The following CAMTA1 variants were observed in gnomAD, a reference collection of about 807,000 sequenced individuals.
The protein encoded by CAMTA1 is calmodulin-binding transcription activator 1.
A neutral mutation model predicts 170.9 loss-of-function variants in CAMTA1; 27 were observed. That is an observed-to-expected ratio of 0.16 (90% CI 0.12 to 0.22). CAMTA1 has a LOEUF of 0.22. CAMTA1 is among the 10% of genes least tolerant of loss of function. CAMTA1 has a pLI of 1.00. For missense variants in CAMTA1, 1,619 were observed against 2,217.2 expected (o/e 0.73, Z 5.42); for synonymous variants, 833 against 891.5 (o/e 0.93, Z 1.17).
intron 3 of CAMTA1, among the ~76,000 whole-genome samples, chr1:6,841,686 G>A (rs1392960076): frequency 6.6e-6 from 1 of 152,222 alleles, no homozygotes; most frequent in African/African-American, 2.4e-5. Context: ...GAGGTTCAGG[G>A]ACGACTGCTG....
intron 4 of CAMTA1, among the ~76,000 whole-genome samples, chr1:7,214,863 T>TTTC (rs904958965): frequency 2.1e-4 from 17 of 82,332 alleles, no homozygotes; most frequent in African/African-American, 9.5e-4. Flanking sequence ...TTCTTTCTTT[T>TTTC]TTTTTTTTTT....
chr1:6,789,007 C>T (rs1219032258), intron 1 of CAMTA1, among the ~76,000 whole-genome samples: 2 of 152,204 alleles, frequency 1.3e-5, no homozygotes, highest in Non-Finnish European at 2.9e-5. Context: ...TCTTTCCTCT[C>T]CTTCACCCCT....
At chr1:7,602,121 TTCCTTCC>T in intron 6 of CAMTA1, among the ~76,000 whole-genome samples, 1 of 141,294 alleles carries the variant, frequency 7.1e-6, no homozygotes, top group Middle Eastern at 3.3e-3. Context: ...CCTTCCTTCC[TTCCTTCC>T]TTCCTTCCTT....
At position 7,292,873 on chromosome 1, in the gene CAMTA1, C is replaced by T. The variant is rs916192038; in HGVS notation, c.438+43247C>T. Reference sequence around the variant, plus strand: ...CCATGCCACGTGTTTCCTGCAGCCTCGCTTCCGCCTTTAGGAAGCAGGCAG... The same window carrying T: ...CCATGCCACGTGTTTCCTGCAGCCTTGCTTCCGCCTTTAGGAAGCAGGCAG... On this transcript the variant is annotated intron_variant, in intron 5 of 22. Coordinates refer to ENST00000303635, the MANE Select transcript of CAMTA1 (RefSeq NM_015215.4). Among the ~76,000 whole-genome samples, 5 of 152,286 alleles carry T rather than the reference C, an allele frequency of 3.3e-5. No individual in the cohort carries two copies. In the South Asian group the frequency reaches 6.2e-4, roughly 19 times the overall value.
chr1:7,295,996 A>C (rs1197298064), intron 5 of CAMTA1, among the ~76,000 whole-genome samples: 1 of 152,222 alleles, frequency 6.6e-6, no homozygotes, highest in South Asian at 2.1e-4. Flanking sequence ...TGCAAGGTTC[A>C]ACTGAGTCAA....
intron 3 of CAMTA1, among the ~76,000 whole-genome samples, chr1:7,083,374 T>C (rs1640285027): frequency 2.0e-5 from 3 of 152,256 alleles, no homozygotes; most frequent in Admixed American, 2.0e-4. Context: ...TTCTATATGC[T>C]AACAGTTGAT....
At chr1:6,908,873 G>A (rs1679120524) in intron 3 of CAMTA1, among the ~76,000 whole-genome samples, 2 of 152,196 alleles carry the variant, frequency 1.3e-5, no homozygotes, top group Non-Finnish European at 2.9e-5. Context: ...AAGTAAGTGT[G>A]CAATATTAAT....
intron 6 of CAMTA1, among the ~76,000 whole-genome samples, chr1:7,552,228 G>A (rs552723977): frequency 1.4e-4 from 21 of 152,350 alleles, no homozygotes; most frequent in African/African-American, 4.8e-4. Flanking sequence ...CTGGAGGCAA[G>A]GGAACGATGC....
rs924499517 is a variant in CAMTA1, at chr1:7,635,061, G to C, written c.511-5339G>C. Among the ~76,000 whole-genome samples the C allele has an allele frequency of 2.0e-5, 3 of 152,100 alleles. No homozygotes were observed. Among genetic ancestry groups the C allele is most frequent in the Non-Finnish European group, 2.9e-5 (2 of 68,012 alleles). On this transcript the variant is annotated intron_variant, in intron 6 of 22. Coordinates refer to ENST00000303635, the MANE Select transcript of CAMTA1 (RefSeq NM_015215.4). The surrounding 1 kb of genome is among the most constrained non-coding windows in gnomAD (Gnocchi z 4.4). ...CCACCACAGTCACAGACCATGCCAC[G>C]GGGCTCTCTCTCCCCAGCCTTTGGC... is the stretch of plus-strand genomic sequence containing the variant.
At chr1:7,030,821 G>A (rs978659924) in intron 3 of CAMTA1, among the ~76,000 whole-genome samples, 2 of 150,476 alleles carry the variant, frequency 1.3e-5, no homozygotes, top group African/African-American at 4.9e-5. Context: ...TGTTGTTCAA[G>A]TCTTCTACAT....
chr1:7,486,857 C>A (rs771026700), intron 6 of CAMTA1, among the ~76,000 whole-genome samples: 27 of 152,168 alleles, frequency 1.8e-4, no homozygotes, highest in Non-Finnish European at 3.1e-4. Context: ...CTGTGAGCAA[C>A]CCCCTGGATA....
intron 3 of CAMTA1, among the ~76,000 whole-genome samples, chr1:7,030,622 A>C (rs1052979178): frequency 2.0e-5 from 3 of 152,170 alleles, no homozygotes; most frequent in African/African-American, 7.2e-5. Flanking sequence ...ATTTAATTCC[A>C]TTGTAGTCAG....
rs961494875 is a variant in CAMTA1, at chr1:7,534,818, G to C, written c.510+66917G>C. Among the ~76,000 whole-genome samples, 1 of 152,236 alleles carries C rather than the reference G, an allele frequency of 6.6e-6. No individual in the cohort carries two copies. Among genetic ancestry groups the C allele is most frequent in the Non-Finnish European group, 1.5e-5 (1 of 68,046 alleles). ...ACTTTAGAGAAAGGCCAGCGAAAGTGAGGTTTATGGCTTGTCCCTGAGGCT... is the reference window on the plus strand; with the variant it reads ...ACTTTAGAGAAAGGCCAGCGAAAGTCAGGTTTATGGCTTGTCCCTGAGGCT... On this transcript the variant is annotated intron_variant, in intron 6 of 22. Transcript: ENST00000303635. This position sits in a 1 kb window ranked among gnomAD's most constrained non-coding sequence, Gnocchi z 5.6.
In CAMTA1 at chr1:7,631,995, T is replaced by C. The variant is rs529082139; in HGVS notation, c.511-8405T>C. ...CTGCAGCCTAGTGACACCACAGCCC[T>C]GTGCCACCCAGTGTCGCCCAGTGTC... On this transcript the variant is annotated intron_variant, in intron 6 of 22. Coordinates refer to ENST00000303635, the MANE Select transcript of CAMTA1 (RefSeq NM_015215.4). Among the ~76,000 whole-genome samples the C allele has an allele frequency of 2.6e-5, 4 of 152,282 alleles. No individual in the cohort carries two copies. The South Asian group carries it at 8.3e-4, about 32-fold the overall frequency.
intron 7 of CAMTA1, among the ~76,000 whole-genome samples, chr1:7,658,423 G>A (rs1245712248): frequency 6.6e-6 from 1 of 152,074 alleles, no homozygotes; most frequent in Non-Finnish European, 1.5e-5. Flanking sequence ...AAAAATACCT[G>A]GCACCACCCC....
At chr1:7,287,414 A>G (rs1672501457) in intron 5 of CAMTA1, among the ~76,000 whole-genome samples, 1 of 152,294 alleles carries the variant, frequency 6.6e-6, no homozygotes, top group African/African-American at 2.4e-5. Flanking sequence ...TTCTCATGAG[A>G]TTTGTAACTG....
chr1:7,545,685 C>G (rs977070183), intron 6 of CAMTA1, among the ~76,000 whole-genome samples: 7 of 151,934 alleles, frequency 4.6e-5, no homozygotes, highest in African/African-American at 1.7e-4. Flanking sequence ...TTCTCTTCAA[C>G]TTTTAAGTTC....
intron 6 of CAMTA1, among the ~76,000 whole-genome samples, chr1:7,571,487 C>CA (rs1298307766): frequency 3.3e-5 from 5 of 152,300 alleles, no homozygotes; most frequent in Middle Eastern, 3.4e-3. Flanking sequence ...TCCCTCCTCC[C>CA]ACCTTCTGCC....
intron 1 of CAMTA1, among the ~76,000 whole-genome samples, chr1:6,797,354 T>C (rs1218807538): frequency 6.7e-6 from 1 of 150,052 alleles, no homozygotes; most frequent in African/African-American, 2.5e-5. Context: ...AACCACCACG[T>C]TCGGCTGAGA....
Sources: allele counts gnomAD v4.1 joint callset (sites outside exome capture counted in the v4.1 genomes callset), GRCh38; gene constraint gnomAD v4.1.1; non-coding constraint Gnocchi (gnomAD v3.1); transcripts MANE v1.5; gene names NCBI Gene and HGNC (gene_info 2026-07-23, HGNC 2026-07-21).